The following DGKB variants were observed in gnomAD, a reference collection of about 807,000 sequenced individuals.
DGKB encodes diacylglycerol kinase beta.
Under a neutral mutation model 114.3 loss-of-function variants are expected in DGKB, and 67 were observed. That is an observed-to-expected ratio of 0.59 (90% CI 0.48 to 0.72). DGKB has a LOEUF of 0.72. Ranked by LOEUF, DGKB falls within the 30% of genes least tolerant of loss-of-function variation. The pLI is 0.00. For missense variants in DGKB, 907 were observed against 975.2 expected, an observed-to-expected ratio of 0.93 and a Z score of 0.93; for synonymous variants, 398 against 323.1, an observed-to-expected ratio of 1.23 and a Z score of -2.49.
intron 23 of DGKB, among the ~76,000 whole-genome samples, chr7:14,217,186 C>G (rs1789123493): frequency 6.6e-6 from 1 of 151,856 alleles, no homozygotes; most frequent in East Asian, 1.9e-4. Context: ...CCTAAGTATT[C>G]TAAAGTCCTA....
intron 7 of DGKB, among the ~76,000 whole-genome samples, chr7:14,699,584 G>A (rs76141145): frequency 6.6e-6 from 1 of 152,040 alleles, no homozygotes; most frequent in Non-Finnish European, 1.5e-5. Context: ...ATTATTATTA[G>A]AAATAGTGGA....
chr7:14,920,817 A>G (rs1784477879), intron 1 of DGKB, among the ~76,000 whole-genome samples: 1 of 152,236 alleles, frequency 6.6e-6, no homozygotes, highest in African/African-American at 2.4e-5. Flanking sequence ...ATTTGGTGAT[A>G]AAGGGAAATG....
intron 23 of DGKB, among the ~76,000 whole-genome samples, chr7:14,336,064 G>A (rs995326821): frequency 6.6e-6 from 1 of 152,100 alleles, no homozygotes; most frequent in Non-Finnish European, 1.5e-5. Context: ...TTTATGTCAA[G>A]AAATTGAAAA....
chr7:14,314,389 A>T (rs1806064247), intron 23 of DGKB, among the ~76,000 whole-genome samples: 2 of 150,482 alleles, frequency 1.3e-5, no homozygotes, highest in Admixed American at 6.6e-5. Flanking sequence ...TTTGAAAAAA[A>T]TTTAGAAGAA....
chr7:14,555,268 C>T (rs1370577712), intron 20 of DGKB, among the ~76,000 whole-genome samples: 1 of 152,118 alleles, frequency 6.6e-6, no homozygotes, highest in Non-Finnish European at 1.5e-5. Context: ...TATTCTGTAT[C>T]TCTGCACTTT....
chr7:14,912,301 TTTAG>T (rs1327570462), intron 1 of DGKB, among the ~76,000 whole-genome samples: 14 of 152,300 alleles, frequency 9.2e-5, no homozygotes, highest in African/African-American at 2.6e-4. Flanking sequence ...AGTGGTTTCT[TTTAG>T]TTAGTCAACT....
At chr7:14,366,653 G>A (rs976892621) in intron 21 of DGKB, among the ~76,000 whole-genome samples, 1 of 152,082 alleles carries the variant, frequency 6.6e-6, no homozygotes, top group Admixed American at 6.6e-5. Context: ...TGCACCTGAA[G>A]CCAAATCCAA....
At chr7:14,229,870 A>C (rs1791441216) in intron 23 of DGKB, among the ~76,000 whole-genome samples, 1 of 152,012 alleles carries the variant, frequency 6.6e-6, no homozygotes, top group African/African-American at 2.4e-5. Context: ...AACATGTAAA[A>C]ATAAATATTA....
At chr7:14,480,443 A>G (rs1782818712) in intron 20 of DGKB, among the ~76,000 whole-genome samples, 5 of 152,138 alleles carry the variant, frequency 3.3e-5, no homozygotes, top group Admixed American at 3.3e-4. Context: ...ATGAGAATTC[A>G]GATCCAATTC....
chr7:14,509,523 C>A (rs1422730648), intron 20 of DGKB, among the ~76,000 whole-genome samples: 1 of 152,182 alleles, frequency 6.6e-6, no homozygotes, highest in Non-Finnish European at 1.5e-5. Flanking sequence ...TAGACACATG[C>A]CTTTGCTCAA....
intron 23 of DGKB, among the ~76,000 whole-genome samples, chr7:14,306,811 A>G (rs1055674054): frequency 2.0e-5 from 3 of 152,150 alleles, no homozygotes; most frequent in East Asian, 1.9e-4. Flanking sequence ...GGGGCCAATA[A>G]TTAGCTAATT....
intron 13 of DGKB, among the ~76,000 whole-genome samples, chr7:14,632,320 G>A (rs1228741959): frequency 6.6e-6 from 1 of 151,688 alleles, no homozygotes; most frequent in Non-Finnish European, 1.5e-5. Flanking sequence ...AGTCTTAGAA[G>A]GTGCTTGCTG....
In DGKB at chr7:14,919,087, C is replaced by CACAA. The variant is rs1554345167; in HGVS notation, c.-188+55608_-188+55609insTTGT. On this transcript the variant is annotated intron_variant, in intron 1 of 4. Transcript: ENST00000437998. ...GCACACACACACACACACACACACA[C>CACAA]ACACACAAACACACACACACACACA... 6.8e-3 allele frequency among the ~76,000 whole-genome samples: 820 copies of CACAA among 119,864 alleles called. 7 individuals carry two copies. Among genetic ancestry groups the CACAA allele is most frequent in the African/African-American group, 0.031 (767 of 24,652 alleles). The allele number at this position is 119,864 out of a possible 152,430, so 78.6% of individuals were successfully genotyped here. A position where few individuals can be genotyped will look rare whatever the true frequency, so the allele number is the denominator to read the frequency against.
At chr7:14,837,499 A>G (rs1307863762) in intron 2 of DGKB, among the ~76,000 whole-genome samples, 2 of 152,232 alleles carry the variant, frequency 1.3e-5, no homozygotes, top group East Asian at 3.8e-4. Context: ...CTTATTTGAT[A>G]TATACCAAAT....
At chr7:14,556,752 G>A (rs934226628) in intron 20 of DGKB, among the ~76,000 whole-genome samples, 1 of 151,894 alleles carries the variant, frequency 6.6e-6, no homozygotes, top group Non-Finnish European at 1.5e-5. Flanking sequence ...TATTATTTTT[G>A]TCTGCTATTG....
Position 14,788,982 on chromosome 7 carries a change from G to A in DGKB, c.71-31251C>T, listed in dbSNP as rs1417588015. Among the ~76,000 whole-genome samples the A allele has an allele frequency of 7.2e-5, 11 of 152,218 alleles. 1 individual carries two copies. Among genetic ancestry groups the A allele is most frequent in the South Asian group, 4.1e-4 (2 of 4,820 alleles). On this transcript the variant is annotated intron_variant, in intron 2 of 25. Transcript: ENST00000402815. The stretch of plus-strand genomic sequence containing the variant: ...CCTCTGTGTCACAGGCACTCCAGGC[G>A]TGCCGAAGGAAAACAGTGGAGCAGA...
intron 19 of DGKB, among the ~76,000 whole-genome samples, chr7:14,576,883 A>G (rs765239020): frequency 1.3e-5 from 2 of 152,194 alleles, no homozygotes; most frequent in Non-Finnish European, 2.9e-5. Context: ...CAAAAGTAGA[A>G]AGAGGCAATA....
At chr7:14,561,611 G>T (rs1007578174) in intron 20 of DGKB, among the ~76,000 whole-genome samples, 4 of 152,148 alleles carry the variant, frequency 2.6e-5, no homozygotes, top group Non-Finnish European at 4.4e-5. Context: ...GTCTCAGATG[G>T]AGATGAGAAA....
chr7:14,703,087 T>TA (rs1411476746), intron 6 of DGKB, among the ~76,000 whole-genome samples: 3 of 152,164 alleles, frequency 2.0e-5, no homozygotes, highest in Non-Finnish European at 4.4e-5. Context: ...AACAGCAACT[T>TA]ACAACATTGT....
Sources: gnomAD v4.1 joint callset for allele counts (sites outside exome capture counted in the v4.1 genomes callset) on GRCh38, gnomAD v4.1.1 for gene constraint, MANE v1.5 for transcripts, NCBI Gene and HGNC (gene_info 2026-07-23, HGNC 2026-07-21) for gene names.